The following CCAR1 variants were observed in gnomAD, a reference collection of about 807,000 sequenced individuals.
CCAR1 encodes the protein cell division cycle and apoptosis regulator 1.
Under a neutral mutation model 163.8 loss-of-function variants are expected in CCAR1, and 78 were observed. The ratio of observed to expected loss-of-function variants is 0.48; its 90% CI spans 0.40 to 0.57. CCAR1 has a LOEUF of 0.57. Ranked by LOEUF, CCAR1 falls within the 20% of genes least tolerant of loss-of-function variation. CCAR1 has a pLI of 0.00. For synonymous variants in CCAR1, 443 were observed against 460.7 expected, an observed-to-expected ratio of 0.96 and a Z score of 0.49; for missense variants, 1,019 against 1,365.2, an observed-to-expected ratio of 0.75 and a Z score of 4.00.
Position 68,749,600 on chromosome 10 carries a change from C to G in CCAR1, c.1033C>G (p.Arg345Gly), listed in dbSNP as rs776357944. 2 of 1,613,720 alleles carry G rather than the reference C, an allele frequency of 1.2e-6. No homozygotes were observed. The highest frequency in any genetic ancestry group is 1.7e-6 in the Non-Finnish European group (2 of 1,179,786). The change falls in exon 10 of 25, where the codon CGA becomes GGA. Residue 345 changes from arginine to glycine, a missense_variant. Coordinates refer to ENST00000265872, the MANE Select transcript of CCAR1 (RefSeq NM_018237.4). ...GAAACGTTCCCGGGAAAGATCTCCA[C>G]GAAGAGAGCGAGAGCGATCACCTCG... ...QRKRSRERSP[R>G]RERERSPRRV...
intron 19 of CCAR1, among the ~76,000 whole-genome samples, chr10:68,781,996 A>G (rs2056742446): frequency 1.3e-5 from 2 of 152,198 alleles, no homozygotes. Context: ...TCAGTTAGCC[A>G]TGTTGTGAAT....
At chr10:68,759,412 C>T (rs544167493) in intron 15 of CCAR1, 3 of 150,552 alleles carry the variant, frequency 2.0e-5, no homozygotes, top group African/African-American at 7.8e-5. Context: ...GAAATCCTGT[C>T]TAAAAATAAA....
intron 2 of CCAR1, among the ~76,000 whole-genome samples, chr10:68,730,306 G>C (rs2056018489): frequency 6.7e-6 from 1 of 150,184 alleles, no homozygotes; most frequent in African/African-American, 2.5e-5. Context: ...ATATGAAACT[G>C]ATTGTAGTTT....
At chr10:68,721,705 T>C (rs767820088) in intron 1 of CCAR1, 3 of 351,562 alleles carry the variant, frequency 8.5e-6, no homozygotes, top group South Asian at 5.7e-5. Flanking sequence ...AGCCATCGAG[T>C]GTCGTGGGGC....
At chr10:68,765,817 A>G (rs1248555097) in intron 16 of CCAR1, 71 bp from the exon 17 acceptor site, 8 of 978,622 alleles carry the variant, frequency 8.2e-6, no homozygotes, top group Non-Finnish European at 1.2e-5. Context: ...TATTCAATAT[A>G]TATTCATCTT....
intron 19 of CCAR1, among the ~76,000 whole-genome samples, chr10:68,784,400 A>G (rs1191746410): frequency 6.6e-6 from 1 of 151,946 alleles, no homozygotes; most frequent in Non-Finnish European, 1.5e-5. Flanking sequence ...GTTTTTAGAG[A>G]TGGGGTTTCA....
At chr10:68,755,159 A>G (rs1310736037) in intron 12 of CCAR1, 2 of 737,184 alleles carry the variant, frequency 2.7e-6, no homozygotes, top group East Asian at 2.5e-5. Context: ...CTGAAGAAAT[A>G]TTTTAAAAGG....
At chr10:68,749,111 C>G (rs188374057) in intron 8 of CCAR1, 25 bp from the exon 9 acceptor site, 1 of 1,613,452 alleles carries the variant, frequency 6.2e-7, no homozygotes, top group East Asian at 2.2e-5. Context: ...ACACGCTAAA[C>G]GTTTTTTTCT....
intron 4 of CCAR1, among the ~76,000 whole-genome samples, chr10:68,738,150 C>T (rs935358642): frequency 6.6e-6 from 1 of 152,218 alleles, no homozygotes; most frequent in Admixed American, 6.5e-5. Flanking sequence ...CGCAGTGGCT[C>T]ATGCCTGTAA....
At chr10:68,738,469 A>G (rs957009089) in intron 4 of CCAR1, among the ~76,000 whole-genome samples, 4 of 152,178 alleles carry the variant, frequency 2.6e-5, no homozygotes, top group African/African-American at 9.6e-5. Context: ...ATCTAGAAAG[A>G]ACCACCCTTT....
Position 68,747,157 on chromosome 10 carries a change from A to G in CCAR1, c.519-4A>G. ...TAACTTTTTTTTTCTTTTTTTTTTT[A>G]CAGTGCTGTCAAAGGGAAAACCCCC... On this transcript the variant is annotated splice_polypyrimidine_tract_variant and splice_region_variant and intron_variant, in intron 6 of 24. Transcript: ENST00000265872. 7.3e-7 allele frequency: 1 copy of G among 1,368,494 alleles called. No individual in the cohort carries two copies. The highest frequency in any genetic ancestry group is 9.9e-7 in the Non-Finnish European group (1 of 1,009,004). 84.8% of individuals were successfully genotyped at this position (1,368,494 alleles called of 1,614,324 possible).
At chr10:68,727,191 T>A (rs1209430195) in intron 2 of CCAR1, among the ~76,000 whole-genome samples, 1 of 150,994 alleles carries the variant, frequency 6.6e-6, no homozygotes, top group Non-Finnish European at 1.5e-5. Context: ...CCTCAGCCTT[T>A]GGGACTGTAG....
chr10:68,775,687 C>CTTTTTTTTTTT (rs71028782), intron 19 of CCAR1, among the ~76,000 whole-genome samples: 3 of 51,750 alleles, frequency 5.8e-5, no homozygotes, highest in African/African-American at 2.5e-4. Context: ...TTTTTCTTTT[C>CTTTTTTTTTTT]TTTTTTTTTT....
At chr10:68,731,757 A>G (rs906224628) in intron 2 of CCAR1, among the ~76,000 whole-genome samples, 1 of 151,960 alleles carries the variant, frequency 6.6e-6, no homozygotes, top group Admixed American at 6.6e-5. Flanking sequence ...CACCTGGCTA[A>G]TTTTTGTATT....
chr10:68,723,597 C>T (rs1372305907), intron 2 of CCAR1, among the ~76,000 whole-genome samples: 1 of 151,348 alleles, frequency 6.6e-6, no homozygotes, highest in African/African-American at 2.4e-5. Flanking sequence ...GCCTGTAATC[C>T]CAGCACTTTG....
Position 68,749,342 on chromosome 10 carries a change from A to G in CCAR1, c.956+77A>G, listed in dbSNP as rs956718914. 3.2e-5 allele frequency: 45 copies of G among 1,391,354 alleles called. No homozygotes were observed. The East Asian group carries it at 4.7e-4, about 14-fold the overall frequency. 86.2% of individuals were successfully genotyped at this position (1,391,354 alleles called of 1,614,324 possible). A position where few individuals can be genotyped will look rare whatever the true frequency, so the allele number is the denominator to read the frequency against. On this transcript the variant is annotated intron_variant, in intron 9 of 24. Transcript: ENST00000265872. ...GAAACATAGTTAATGCCACTGAACTATGCTTATAATATAAAATTTTAAAAT... is the reference window on the plus strand; with the variant it reads ...GAAACATAGTTAATGCCACTGAACTGTGCTTATAATATAAAATTTTAAAAT...
At chr10:68,790,890 G>C (rs898896164) in intron 24 of CCAR1, among the ~76,000 whole-genome samples, 2 of 151,388 alleles carry the variant, frequency 1.3e-5, no homozygotes, top group Non-Finnish European at 2.9e-5. Context: ...ATAGAGACGG[G>C]GTTTCACCAT....
At chr10:68,722,644 G>A in intron 2 of CCAR1, 67 bp downstream of exon 2, 8 of 1,251,992 alleles carry the variant, frequency 6.4e-6, no homozygotes, top group Non-Finnish European at 8.2e-6. Context: ...GTGAATTAGG[G>A]CCGGGGGTGG....
At chr10:68,787,864 T>C in intron 21 of CCAR1, 63 bp from the exon 22 acceptor site, 1 of 1,480,198 alleles carries the variant, frequency 6.8e-7, no homozygotes, top group Non-Finnish European at 9.2e-7. Flanking sequence ...TATCATAGTT[T>C]TTCTAAGAGA....
Sources: gnomAD v4.1 joint callset for allele counts (sites outside exome capture counted in the v4.1 genomes callset) on GRCh38, gnomAD v4.1.1 for gene constraint, MANE v1.5 for transcripts, NCBI Gene and HGNC (gene_info 2026-07-23, HGNC 2026-07-21) for gene names.